The following MAP4K4 variants were observed in gnomAD, a reference collection of about 807,000 sequenced individuals.
MAP4K4 encodes HPK/GCK-like kinase HGK.
Under a neutral mutation model 189.6 loss-of-function variants are expected in MAP4K4, and 38 were observed. The observed-to-expected ratio is 0.20, with a 90% CI of 0.15 to 0.26. MAP4K4 has a LOEUF of 0.26. Ranked by LOEUF, MAP4K4 falls within the 10% of genes least tolerant of loss-of-function variation. MAP4K4 has a pLI of 1.00. For synonymous variants in MAP4K4, 610 were observed against 624.3 expected, an observed-to-expected ratio of 0.98 and a Z score of 0.34; for missense variants, 1,054 against 1,726.9, an observed-to-expected ratio of 0.61 and a Z score of 6.91.
At chr2:101,717,743 C>T (rs577967122) in intron 2 of MAP4K4, among the ~76,000 whole-genome samples, 44 of 152,124 alleles carry the variant, frequency 2.9e-4, no homozygotes, top group Non-Finnish European at 4.9e-4. Flanking sequence ...GTGCTAAGCT[C>T]AATGAGGACT....
At chr2:101,826,187 A>G (rs2096349614) in intron 5 of MAP4K4, among the ~76,000 whole-genome samples, 2 of 152,186 alleles carry the variant, frequency 1.3e-5, no homozygotes, top group African/African-American at 2.4e-5. Context: ...ATGAAGTTAA[A>G]TTGAAGCCCA....
At chr2:101,844,067 T>G in intron 11 of MAP4K4, 34 bp from the exon 12 acceptor site, 1 of 1,501,778 alleles carries the variant, frequency 6.7e-7, no homozygotes, top group Non-Finnish European at 9.2e-7. Flanking sequence ...GTGTGATCGG[T>G]GCACACCCCT....
intron 13 of MAP4K4, among the ~76,000 whole-genome samples, chr2:101,857,001 T>C (rs1331804821): frequency 6.6e-6 from 1 of 152,254 alleles, no homozygotes; most frequent in Non-Finnish European, 1.5e-5. Flanking sequence ...TGACGCTTTT[T>C]ATGTTACCTA....
In MAP4K4 at chr2:101,773,559, C is replaced by T. The variant is rs185833721; in HGVS notation, c.124-17161C>T. On this transcript the variant is annotated intron_variant, in intron 2 of 32. Transcript: ENST00000324219. Reference sequence around the variant, plus strand: ...GTCACATCATGGAAAATAGGGTATCCATCCCCTCATGCATTTATCCTTTGT... The same window carrying T: ...GTCACATCATGGAAAATAGGGTATCTATCCCCTCATGCATTTATCCTTTGT... Among the ~76,000 whole-genome samples, 150 of 151,738 alleles carry T rather than the reference C, an allele frequency of 9.9e-4. 1 individual carries two copies. The highest frequency in any genetic ancestry group is 8.9e-3 in the Admixed American group (136 of 15,246).
intron 2 of MAP4K4, among the ~76,000 whole-genome samples, chr2:101,768,137 A>G (rs1399130752): frequency 6.6e-6 from 1 of 152,214 alleles, no homozygotes; most frequent in South Asian, 2.1e-4. Context: ...ATTATCTTGT[A>G]TCATAACGTT....
intron 3 of MAP4K4, among the ~76,000 whole-genome samples, chr2:101,821,206 T>A (rs2096035385): frequency 6.6e-6 from 1 of 152,208 alleles, no homozygotes; most frequent in Non-Finnish European, 1.5e-5. Flanking sequence ...AATTATTGTA[T>A]CAACTGTATT....
chr2:101,736,723 C>A (rs999505710), intron 2 of MAP4K4, among the ~76,000 whole-genome samples: 5 of 152,170 alleles, frequency 3.3e-5, no homozygotes, highest in African/African-American at 1.2e-4. Flanking sequence ...CTTTGTAACA[C>A]CCCTCACTGC....
chr2:101,749,427 T>C (rs1250074833), intron 2 of MAP4K4, among the ~76,000 whole-genome samples: 1 of 150,798 alleles, frequency 6.6e-6, no homozygotes, highest in East Asian at 2.0e-4. Flanking sequence ...CCCTATTTAA[T>C]AAATGGTGCT....
At chr2:101,862,579 G>A (rs981969983) in intron 16 of MAP4K4, among the ~76,000 whole-genome samples, 3 of 152,198 alleles carry the variant, frequency 2.0e-5, no homozygotes, top group African/African-American at 7.2e-5. Flanking sequence ...TTAGAAAATA[G>A]GAGTTTCTGA....
intron 27 of MAP4K4, among the ~76,000 whole-genome samples, chr2:101,880,664 A>T (rs538471485): frequency 9.2e-5 from 14 of 152,072 alleles, no homozygotes; most frequent in African/African-American, 3.4e-4. Context: ...ATGTGCCACC[A>T]TGCCTGGCTG....
chr2:101,849,027 C>T (rs1325101409), intron 12 of MAP4K4, among the ~76,000 whole-genome samples: 1 of 152,114 alleles, frequency 6.6e-6, no homozygotes, highest in Non-Finnish European at 1.5e-5. Flanking sequence ...TGACTGTGCT[C>T]CCTGGGTCCT....
exon 33 of MAP4K4, chr2:101,892,857 T>A (rs2098589583): frequency 2.2e-6 from 1 of 456,186 alleles, no homozygotes. Flanking sequence ...GATATTACCG[T>A]CTCAGGAAAG....
At chr2:101,874,375 T>C (rs2098137725) in intron 26 of MAP4K4, 123 bp downstream of exon 26, 5 of 810,372 alleles carry the variant, frequency 6.2e-6, no homozygotes, top group Non-Finnish European at 7.8e-6. Context: ...ATGATGTCCA[T>C]CTCCTGTTAT....
At chr2:101,845,143 C>G (rs2097057584) in intron 12 of MAP4K4, among the ~76,000 whole-genome samples, 1 of 144,508 alleles carries the variant, frequency 6.9e-6, no homozygotes, top group South Asian at 2.2e-4. Context: ...CCAGAACTGT[C>G]AGAAAATAAA....
intron 3 of MAP4K4, among the ~76,000 whole-genome samples, chr2:101,819,548 A>G (rs1373877322): frequency 1.3e-5 from 2 of 152,236 alleles, no homozygotes; most frequent in African/African-American, 4.8e-5. Context: ...AAGAGAGGAA[A>G]TGTTCAAAGT....
intron 2 of MAP4K4, among the ~76,000 whole-genome samples, chr2:101,705,362 T>G (rs778452141): frequency 1.3e-5 from 2 of 152,198 alleles, no homozygotes; most frequent in African/African-American, 2.4e-5. Context: ...TCATACATTC[T>G]GTGTTGTCTG....
chr2:101,764,292 C>G (rs1575141579), intron 2 of MAP4K4, among the ~76,000 whole-genome samples: 1 of 152,116 alleles, frequency 6.6e-6, no homozygotes, highest in East Asian at 1.9e-4. Context: ...CCAAATTGAA[C>G]CTTGCTGTTA....
At chr2:101,730,971 G>A (rs1399298556) in intron 2 of MAP4K4, among the ~76,000 whole-genome samples, 5 of 151,624 alleles carry the variant, frequency 3.3e-5, no homozygotes, top group East Asian at 2.0e-4. Context: ...GTGTGAACCC[G>A]GGAGGCGGAG....
chr2:101,841,722 C>T (rs377760088), intron 10 of MAP4K4, among the ~76,000 whole-genome samples: 6 of 152,276 alleles, frequency 3.9e-5, no homozygotes, highest in African/African-American at 1.2e-4. Flanking sequence ...CCGCCTCAGT[C>T]TCCCAAAGTG....
Sources: allele counts gnomAD v4.1 joint callset (sites outside exome capture counted in the v4.1 genomes callset), GRCh38; gene constraint gnomAD v4.1.1; transcripts MANE v1.5; gene names NCBI Gene and HGNC (gene_info 2026-07-23, HGNC 2026-07-21).